EPS15L1: variants seen among roughly 807,000 people sequenced by gnomAD.
EPS15L1 encodes the protein epidermal growth factor receptor pathway substrate 15 like 1.
EPS15L1 carries 43 observed loss-of-function variants against 117.1 expected under a neutral mutation model. The observed-to-expected ratio is 0.37, with a 90% CI of 0.29 to 0.47. The LOEUF (loss-of-function observed/expected upper bound fraction) is 0.47, where lower values mean the gene tolerates loss of function less well. EPS15L1 is among the 20% of genes least tolerant of loss of function. The probability of loss-of-function intolerance (pLI) is 0.99; values close to 1 mark genes in which losing one functional copy is unlikely to be tolerated. For missense variants in EPS15L1, 981 were observed against 1,164.0 expected (o/e 0.84, Z 2.29); for synonymous variants, 459 against 470.5 (o/e 0.98, Z 0.32).
chr19:16,361,999 A>AG lies in EPS15L1; in HGVS notation c.2381-16dup, dbSNP rs750421709. On this transcript the variant is annotated splice_polypyrimidine_tract_variant and intron_variant, in intron 22 of 23. Transcript: ENST00000455140. ...TGTACTTTTACCTGGAAAGTTTAGG[A>AG]GAAAAAAAAAAGGAGAAAGAAAGAA... is the stretch of plus-strand genomic sequence containing the variant. The AG allele has an allele frequency of 3.8e-6, 6 of 1,573,768 alleles. No individual in the cohort carries two copies. Among genetic ancestry groups the AG allele is most frequent in the East Asian group, 2.2e-5 (1 of 44,536 alleles).
rs147185347 is a variant in EPS15L1, at chr19:16,405,890, G to A, written c.1267-1141C>T. 2.0e-4 allele frequency among the ~76,000 whole-genome samples: 30 copies of A among 152,308 alleles called. No homozygotes were observed. The highest frequency in any genetic ancestry group is 7.0e-4 in the African/African-American group (29 of 41,570). On this transcript the variant is annotated intron_variant, in intron 13 of 23. Coordinates refer to ENST00000455140, the MANE Select transcript of EPS15L1 (RefSeq NM_001258374.3). The surrounding 1 kb of genome is among the most constrained non-coding windows in gnomAD (Gnocchi z 4.0). ...ATAACCAAAGCTGAAATAGCACAAC[G>A]GGCATTGTGACAAGCCTCCTCCCTC...
intron 21 of EPS15L1, among the ~76,000 whole-genome samples, chr19:16,379,795 C>A (rs574385713): frequency 6.6e-6 from 1 of 152,192 alleles, no homozygotes; most frequent in South Asian, 2.1e-4. Flanking sequence ...GTCTAAGGCT[C>A]CAGTATCTAG....
chr19:16,356,600 G>C (rs1164311674), intron 23 of EPS15L1: 1 of 152,068 alleles, frequency 6.6e-6, no homozygotes, highest in African/African-American at 2.4e-5. Context: ...GTGAGCCACC[G>C]CACCCGGCTC....
At chr19:16,411,026 T>C (rs995625576) in intron 13 of EPS15L1, among the ~76,000 whole-genome samples, 1 of 152,092 alleles carries the variant, frequency 6.6e-6, no homozygotes, top group Admixed American at 6.5e-5. Context: ...TGATGCTGAG[T>C]GGAAGAAGCC....
rs17723343 is a variant in EPS15L1, at chr19:16,383,458, A to G, written c.2247+1671T>C. 2.0e-5 allele frequency: 3 copies of G among 152,224 alleles called. No homozygotes were observed. The highest frequency in any genetic ancestry group is 6.5e-5 in the Admixed American group (1 of 15,278). The allele number at this position is 152,224 out of a possible 1,614,324, so 9.4% of individuals were successfully genotyped here. On this transcript the variant is annotated intron_variant, in intron 21 of 23. Transcript: ENST00000455140. The surrounding 1 kb of genome is among the most constrained non-coding windows in gnomAD (Gnocchi z 5.2). ...AGGGACTGCTGCCACCGTGTGGCCA[A>G]CGTTTTCTGCTTTCGGGAGATGGTT...
chr19:16,454,169 C>T (rs1052191666), intron 1 of EPS15L1, among the ~76,000 whole-genome samples: 9 of 152,186 alleles, frequency 5.9e-5, no homozygotes, highest in African/African-American at 1.7e-4. Flanking sequence ...CTGCAAGGCA[C>T]TGGAAACAGC....
At chr19:16,373,249 C>G (rs1434604919) in intron 22 of EPS15L1, among the ~76,000 whole-genome samples, 1 of 152,142 alleles carries the variant, frequency 6.6e-6, no homozygotes, top group African/African-American at 2.4e-5. Flanking sequence ...CGCATTTCAC[C>G]TTCCTCCTCA....
chr19:16,372,324 C>A (rs1279251188), intron 22 of EPS15L1, among the ~76,000 whole-genome samples: 2 of 152,202 alleles, frequency 1.3e-5, no homozygotes, highest in Admixed American at 6.5e-5. Flanking sequence ...GCCAGCCACA[C>A]CAAATGTCAA....
At chr19:16,460,815 T>G (rs928127536) in intron 1 of EPS15L1, among the ~76,000 whole-genome samples, 17 of 152,206 alleles carry the variant, frequency 1.1e-4, no homozygotes, top group African/African-American at 4.1e-4. Context: ...CAGTGCCATT[T>G]GTAGGGTGTG....
chr19:16,416,912 G>A (rs2092763573), intron 12 of EPS15L1, among the ~76,000 whole-genome samples: 1 of 152,178 alleles, frequency 6.6e-6, no homozygotes, highest in Non-Finnish European at 1.5e-5. Flanking sequence ...CCCATCCAAA[G>A]CCCTCGTTTA....
At chr19:16,357,708 G>T (rs2092001272) in intron 23 of EPS15L1, 1 of 152,352 alleles carries the variant, frequency 6.6e-6, no homozygotes, top group African/African-American at 2.4e-5. Flanking sequence ...GACAGGCGGA[G>T]TGTCAGTATC....
intron 4 of EPS15L1, 29 bp downstream of exon 4, chr19:16,440,832 TC>T (rs773209404): frequency 1.2e-5 from 20 of 1,611,944 alleles, no homozygotes; most frequent in Non-Finnish European, 1.6e-5. Context: ...GCCCAGCCCC[TC>T]CATTTGCTCT....
intron 13 of EPS15L1, among the ~76,000 whole-genome samples, chr19:16,411,355 A>G (rs769856009): frequency 2.0e-5 from 3 of 152,208 alleles, no homozygotes; most frequent in Non-Finnish European, 2.9e-5. Context: ...GGGTTAATGG[A>G]AAGTTAGTGT....
At chr19:16,372,843 C>T (rs1264298747) in intron 22 of EPS15L1, among the ~76,000 whole-genome samples, 3 of 152,240 alleles carry the variant, frequency 2.0e-5, no homozygotes, top group African/African-American at 7.2e-5. Flanking sequence ...CCTCCCTTTC[C>T]TCCAATGTCC....
chr19:16,431,907 G>A (rs1426349147), intron 7 of EPS15L1, among the ~76,000 whole-genome samples: 1 of 152,232 alleles, frequency 6.6e-6, no homozygotes, highest in East Asian at 1.9e-4. Context: ...GTTGAACTGT[G>A]CAAGCTCACT....
chr19:16,399,230 G>A (rs1246760449), intron 16 of EPS15L1, among the ~76,000 whole-genome samples: 6 of 152,138 alleles, frequency 3.9e-5, no homozygotes, highest in African/African-American at 1.4e-4. Context: ...ACTAATAGTG[G>A]TTTTGATTCC....
chr19:16,468,401 A>G (rs2093321448), intron 1 of EPS15L1, among the ~76,000 whole-genome samples: 1 of 152,182 alleles, frequency 6.6e-6, no homozygotes, highest in Admixed American at 6.6e-5. Context: ...GCTGGGGTGC[A>G]GTGGCGCGAT....
intron 19 of EPS15L1, 62 bp from the exon 20 acceptor site, chr19:16,386,293 C>T (rs2144746310): frequency 7.6e-7 from 1 of 1,316,646 alleles, no homozygotes; most frequent in Non-Finnish European, 1.1e-6. Context: ...CCCATTCATT[C>T]AACCAGACCT....
At chr19:16,397,934 A>T (rs2092557263) in intron 16 of EPS15L1, among the ~76,000 whole-genome samples, 3 of 152,206 alleles carry the variant, frequency 2.0e-5, no homozygotes, top group Admixed American at 6.5e-5. Flanking sequence ...CCCTCATTGA[A>T]TTTGGCAGAC....
Sources: allele counts gnomAD v4.1 joint callset (sites outside exome capture counted in the v4.1 genomes callset), GRCh38; gene constraint gnomAD v4.1.1; non-coding constraint Gnocchi (gnomAD v3.1); transcripts MANE v1.5; gene names NCBI Gene and HGNC (gene_info 2026-07-23, HGNC 2026-07-21).